Variants in TRIOBP observed in about 807,000 individuals in gnomAD.
The protein encoded by TRIOBP is TRIO and F-actin binding protein.
Under a neutral mutation model 238.8 loss-of-function variants are expected in TRIOBP, and 169 were observed. The observed-to-expected ratio is 0.71, with a 90% CI of 0.62 to 0.80. TRIOBP has a LOEUF of 0.80. TRIOBP is among the 30% of genes least tolerant of loss of function. The probability of loss-of-function intolerance (pLI) is 0.00; values close to 1 mark genes in which losing one functional copy is unlikely to be tolerated. For synonymous variants in TRIOBP, 1,150 were observed against 1,274.4 expected, an observed-to-expected ratio of 0.90 and a Z score of 2.08; for missense variants, 2,838 against 3,122.6, an observed-to-expected ratio of 0.91 and a Z score of 2.17.
intron 15 of TRIOBP, 113 bp downstream of exon 15, chr22:37,755,772 T>A: frequency 1.2e-6 from 1 of 846,192 alleles, no homozygotes; most frequent in Non-Finnish European, 2.0e-6. Context: ...CGTTTCTCTG[T>A]CAACAACATG....
intron 3 of TRIOBP, among the ~76,000 whole-genome samples, chr22:37,707,271 T>G (rs1922994572): frequency 6.6e-6 from 1 of 151,548 alleles, no homozygotes; most frequent in South Asian, 2.1e-4. Flanking sequence ...AGCGAAAAAC[T>G]CCATCTCAAA....
At chr22:37,738,791 T>C in intron 10 of TRIOBP, 72 bp downstream of exon 10, 1 of 1,488,488 alleles carries the variant, frequency 6.7e-7, no homozygotes, top group Non-Finnish European at 9.3e-7. Flanking sequence ...TGGGCTTCAT[T>C]CCTCAGAAGA....
intron 1 of TRIOBP, 117 bp from the exon 2 acceptor site, chr22:37,697,471 G>A (rs893828998): frequency 4.6e-5 from 7 of 152,224 alleles, no homozygotes; most frequent in African/African-American, 1.7e-4. Flanking sequence ...CCACCACCAG[G>A]AGTCGGGAGG....
At chr22:37,736,410 G>T (rs1205549977) in intron 9 of TRIOBP, among the ~76,000 whole-genome samples, 1 of 152,098 alleles carries the variant, frequency 6.6e-6, no homozygotes, top group Non-Finnish European at 1.5e-5. Flanking sequence ...AACGCCACCT[G>T]CCCCAGGATG....
chr22:37,728,993 G>C (rs989458260), intron 7 of TRIOBP, among the ~76,000 whole-genome samples: 3 of 152,026 alleles, frequency 2.0e-5, no homozygotes, highest in Admixed American at 1.3e-4. Context: ...TTGGCTCACT[G>C]CAACCTCTGC....
chr22:37,759,424 G>T (rs1373895392), intron 17 of TRIOBP, 160 bp downstream of exon 17: 1 of 1,335,500 alleles, frequency 7.5e-7, no homozygotes, highest in East Asian at 2.3e-5. Flanking sequence ...CAGCTGGTGG[G>T]CGTGATCACT....
intron 7 of TRIOBP, among the ~76,000 whole-genome samples, chr22:37,726,960 G>T (rs13054210): frequency 6.6e-6 from 1 of 150,672 alleles, no homozygotes. Flanking sequence ...AGGCCGGAGC[G>T]CAATGGTGCA....
intron 4 of TRIOBP, among the ~76,000 whole-genome samples, chr22:37,711,592 ACAAC>A (rs1569034685): frequency 5.6e-4 from 28 of 49,702 alleles, no homozygotes; most frequent in East Asian, 3.8e-3. Flanking sequence ...AAAAAAAAAA[ACAAC>A]AAAAAAAAAA....
intron 11 of TRIOBP, among the ~76,000 whole-genome samples, chr22:37,746,040 CCCACCCCG>C (rs1281288201): frequency 3.6e-5 from 3 of 83,246 alleles, no homozygotes; most frequent in Admixed American, 1.2e-4. Flanking sequence ...GCCCCATCCG[CCCACCCCG>C]CCGTCCCGCC....
chr22:37,759,157 C>G lies in TRIOBP; in HGVS notation c.6217C>G (p.Gln2073Glu). Residue 2073 changes from glutamine to glutamate, a missense_variant, in exon 17 of 24, where the codon CAG becomes GAG. Transcript: ENST00000644935. ...DGHEALEKEVQALRAQLEAWR... is the reference protein window; with the variant it reads ...DGHEALEKEVEALRAQLEAWR... ...TGACCACCCTTCTCCCTCGTAGGTT[C>G]AGGCTCTTCGGGCCCAGCTGGAGGC... 6.2e-7 allele frequency: 1 copy of G among 1,611,378 alleles called. No individual in the cohort carries two copies. The highest frequency in any genetic ancestry group is 8.5e-7 in the Non-Finnish European group (1 of 1,179,272).
rs1432424337 is a variant in TRIOBP, at chr22:37,768,104, AAGAGCTGAGCCG to A, written c.6514_6525del (p.Arg2172_Ser2175del). The A allele has an allele frequency of 2.5e-6, 4 of 1,613,434 alleles. No individual in the cohort carries two copies. The highest frequency in any genetic ancestry group is 3.3e-4 in the Middle Eastern group (2 of 6,084). ...GAAGCCATGAAGAAGGCCTACCAGG[AAGAGCTGAGCCG>A]AGAGCTGAGCAAAACACGGAGTCTC... is the stretch of plus-strand genomic sequence containing the variant. On this transcript the variant is annotated inframe_deletion, in exon 19 of 24. Coordinates refer to ENST00000644935, the MANE Select transcript of TRIOBP (RefSeq NM_001039141.3).
At chr22:37,712,767 T>A (rs1923316297) in intron 4 of TRIOBP, among the ~76,000 whole-genome samples, 2 of 151,620 alleles carry the variant, frequency 1.3e-5, no homozygotes, top group Non-Finnish European at 2.9e-5. Context: ...CCATCCTGGC[T>A]AACACGGTGA....
chr22:37,758,194 C>G (rs939162392), intron 16 of TRIOBP, 56 bp downstream of exon 16: 18 of 1,597,658 alleles, frequency 1.1e-5, no homozygotes, highest in Non-Finnish European at 1.5e-5. Context: ...CCCTCCAGTC[C>G]CTGCATTCAT....
At chr22:37,698,598 C>T (rs564905783) in intron 2 of TRIOBP, among the ~76,000 whole-genome samples, 1 of 152,092 alleles carries the variant, frequency 6.6e-6, no homozygotes, top group African/African-American at 2.4e-5. Context: ...AGTGATCTGC[C>T]TGCCTCAGCC....
Position 37,742,254 on chromosome 22 carries a change from G to A in TRIOBP, c.5322+1222G>A, listed in dbSNP as rs1460977437. ...ATTATTGGTGTGAGCCACCACGCCAGGCGTTTTTTTTTTTTTTTTTTTAAA... is the reference window on the plus strand; with the variant it reads ...ATTATTGGTGTGAGCCACCACGCCAAGCGTTTTTTTTTTTTTTTTTTTAAA... On this transcript the variant is annotated intron_variant, in intron 11 of 23. Coordinates refer to ENST00000644935, the MANE Select transcript of TRIOBP (RefSeq NM_001039141.3). Among the ~76,000 whole-genome samples, 5 of 132,096 alleles carry A rather than the reference G, an allele frequency of 3.8e-5. No individual in the cohort carries two copies. In the East Asian group the frequency reaches 1.1e-3, roughly 29 times the overall value. The allele number at this position is 132,096 out of a possible 152,430, so 86.7% of individuals were successfully genotyped here. A position where few individuals can be genotyped will look rare whatever the true frequency, so the allele number is the denominator to read the frequency against.
chr22:37,742,779 C>T (rs1410715060), intron 11 of TRIOBP, among the ~76,000 whole-genome samples: 1 of 152,196 alleles, frequency 6.6e-6, no homozygotes, highest in Non-Finnish European at 1.5e-5. Flanking sequence ...GGTAATGATG[C>T]TGGCTAACCA....
intron 3 of TRIOBP, among the ~76,000 whole-genome samples, chr22:37,701,757 T>C (rs1478341819): frequency 6.6e-6 from 1 of 152,224 alleles, no homozygotes; most frequent in Non-Finnish European, 1.5e-5. Context: ...TTTTTCCCCT[T>C]CTATTGAAAC....
chr22:37,703,900 A>G (rs1922791883), intron 3 of TRIOBP, among the ~76,000 whole-genome samples: 1 of 152,134 alleles, frequency 6.6e-6, no homozygotes, highest in Non-Finnish European at 1.5e-5. Flanking sequence ...CTTTCATGCA[A>G]ATGACTTTCT....
intron 4 of TRIOBP, among the ~76,000 whole-genome samples, 168 bp downstream of exon 4, chr22:37,710,734 G>GA (rs1427101904): frequency 2.9e-5 from 3 of 105,050 alleles, no homozygotes; most frequent in African/African-American, 8.8e-5. Flanking sequence ...CATGCTCCTT[G>GA]GGCCCACAGG....
Sources: gnomAD v4.1 joint callset for allele counts (sites outside exome capture counted in the v4.1 genomes callset) on GRCh38, gnomAD v4.1.1 for gene constraint, MANE v1.5 for transcripts, NCBI Gene and HGNC (gene_info 2026-07-23, HGNC 2026-07-21) for gene names.